The following STMN2 variants were observed in gnomAD, a reference collection of about 807,000 sequenced individuals.
STMN2 encodes the protein stathmin-2.
Under a neutral mutation model 24.1 loss-of-function variants are expected in STMN2, and 2 were observed. That is an observed-to-expected ratio of 0.08 (90% CI 0.03 to 0.26). The LOEUF is 0.26. Ranked by LOEUF, STMN2 falls within the 10% of genes least tolerant of loss-of-function variation. The pLI is 1.00. For synonymous variants in STMN2, 83 were observed against 77.5 expected (o/e 1.07, Z -0.37); for missense variants, 114 against 213.6 (o/e 0.53, Z 2.91).
At chr8:79,664,741 A>G in intron 4 of STMN2, 74 bp from the exon 5 acceptor site, 6 of 1,463,586 alleles carry the variant, frequency 4.1e-6, no homozygotes, top group Non-Finnish European at 4.7e-6. Flanking sequence ...GGTTACTTCT[A>G]GTCAAGCGCA....
chr8:79,617,367 A>C (rs1192059139), intron 1 of STMN2, among the ~76,000 whole-genome samples: 3 of 152,216 alleles, frequency 2.0e-5, no homozygotes, highest in African/African-American at 7.2e-5. Context: ...CAATACACGA[A>C]ATATCTCAAA....
chr8:79,621,503 T>C (rs1809514640), intron 1 of STMN2, among the ~76,000 whole-genome samples: 1 of 152,188 alleles, frequency 6.6e-6, no homozygotes, highest in Non-Finnish European at 1.5e-5. Context: ...CGTTTTGCAG[T>C]TCTTGTGATT....
chr8:79,642,462 AT>A (rs1235479149), intron 3 of STMN2, among the ~76,000 whole-genome samples: 1 of 152,184 alleles, frequency 6.6e-6, no homozygotes. Context: ...ATTTCCCAAT[AT>A]TTTTTATGAT....
chr8:79,643,070 T>C (rs1365451436), intron 3 of STMN2, among the ~76,000 whole-genome samples: 1 of 147,852 alleles, frequency 6.8e-6, no homozygotes, highest in Non-Finnish European at 1.5e-5. Flanking sequence ...TAATATTGTA[T>C]ATATGCCATA....
At chr8:79,613,574 T>G in intron 1 of STMN2, 1 of 985,514 alleles carries the variant, frequency 1.0e-6, no homozygotes, top group African/African-American at 1.7e-5. Context: ...GGCTAGTGGC[T>G]GCAAACTCAT....
chr8:79,637,464 GCAA>G (rs1478591814), intron 2 of STMN2, among the ~76,000 whole-genome samples: 1 of 152,166 alleles, frequency 6.6e-6, no homozygotes, highest in Non-Finnish European at 1.5e-5. Flanking sequence ...TGATTGAGGT[GCAA>G]CTCTTTAGGT....
intron 1 of STMN2, among the ~76,000 whole-genome samples, chr8:79,621,838 G>T (rs1809522629): frequency 6.6e-6 from 1 of 152,154 alleles, no homozygotes; most frequent in African/African-American, 2.4e-5. Context: ...GCACCACCTT[G>T]ACACTACCCT....
intron 1 of STMN2, among the ~76,000 whole-genome samples, chr8:79,628,051 T>C (rs1418994818): frequency 6.6e-6 from 1 of 152,258 alleles, no homozygotes; most frequent in Non-Finnish European, 1.5e-5. Flanking sequence ...TGAATAATGA[T>C]GCAGTGAACA....
chr8:79,637,870 C>T (rs577102924), intron 2 of STMN2, among the ~76,000 whole-genome samples: 1 of 152,168 alleles, frequency 6.6e-6, no homozygotes, highest in African/African-American at 2.4e-5. Context: ...ACCCCTTCTG[C>T]ACCTTTAAAG....
intron 1 of STMN2, among the ~76,000 whole-genome samples, chr8:79,621,921 C>T (rs13282406): frequency 0.12 from 17,684 of 152,228 alleles, 1,239 homozygotes; most frequent in Middle Eastern, 0.17. Flanking sequence ...TGTTAGGGCT[C>T]AGTTTAAAGC....
At chr8:79,654,825 GTT>G in intron 3 of STMN2, 44 bp from the exon 4 acceptor site, 2 of 1,588,036 alleles carry the variant, frequency 1.3e-6, no homozygotes, top group Non-Finnish European at 1.7e-6. Context: ...ATTCTGCTAG[GTT>G]TGTGTTTGGA....
At chr8:79,641,067 A>G (rs944432039) in intron 2 of STMN2, among the ~76,000 whole-genome samples, 1 of 152,200 alleles carries the variant, frequency 6.6e-6, no homozygotes, top group Non-Finnish European at 1.5e-5. Flanking sequence ...CAAAAGGAAA[A>G]TAAAGCTTAA....
At chr8:79,616,899 G>C (rs781392795) in intron 1 of STMN2, among the ~76,000 whole-genome samples, 1 of 151,900 alleles carries the variant, frequency 6.6e-6, no homozygotes, top group Non-Finnish European at 1.5e-5. Context: ...GCGTGTGTGC[G>C]AGAGAGAGAG....
chr8:79,665,143 A>G lies in STMN2; in HGVS notation c.*269A>G. 1 of 249,538 alleles carries G rather than the reference A, an allele frequency of 4.0e-6. No homozygotes were observed. Among genetic ancestry groups the G allele is most frequent in the Non-Finnish European group, 7.7e-6 (1 of 129,630 alleles). The allele number at this position is 249,538 out of a possible 1,614,324, so 15.5% of individuals were successfully genotyped here. ...ATACAAGTATTGCATTATGCAAGTT[A>G]TTTCATAATCTTACATGTCCTGTAA... On this transcript the variant is annotated 3_prime_UTR_variant, in exon 5 of 5. Transcript: ENST00000220876.
intron 1 of STMN2, among the ~76,000 whole-genome samples, chr8:79,624,714 A>G (rs1209282264): frequency 6.6e-6 from 1 of 152,198 alleles, no homozygotes; most frequent in African/African-American, 2.4e-5. Context: ...TAGCCAGCTA[A>G]GAAGTCAAGA....
Position 79,665,903 on chromosome 8 carries a change from C to A in STMN2, c.*1029C>A, listed in dbSNP as rs1269938714. 6.6e-6 allele frequency: 1 copy of A among 152,196 alleles called. No homozygotes were observed. Among genetic ancestry groups the A allele is most frequent in the Non-Finnish European group, 1.5e-5 (1 of 68,058 alleles). The allele number at this position is 152,196 out of a possible 1,614,324, so 9.4% of individuals were successfully genotyped here. A position where few individuals can be genotyped will look rare whatever the true frequency, so the allele number is the denominator to read the frequency against. On this transcript the variant is annotated 3_prime_UTR_variant, in exon 5 of 5. Transcript: ENST00000220876. ...TCTTCCCCAGTGTAAGGCAATCCTG[C>A]CTACTAACAACACCAACAACAAAAC...
chr8:79,656,025 A>T (rs1393961528), intron 4 of STMN2, among the ~76,000 whole-genome samples: 2 of 152,146 alleles, frequency 1.3e-5, no homozygotes, highest in Non-Finnish European at 2.9e-5. Context: ...TCAGAGTTTC[A>T]TGTCTTCTGT....
At chr8:79,663,692 T>C (rs969841261) in intron 4 of STMN2, 1 of 1,440,220 alleles carries the variant, frequency 6.9e-7, no homozygotes, top group Non-Finnish European at 9.3e-7. Flanking sequence ...ATATAAATAA[T>C]ACTACTAATA....
At chr8:79,654,449 T>C (rs1810402155) in intron 3 of STMN2, among the ~76,000 whole-genome samples, 1 of 152,046 alleles carries the variant, frequency 6.6e-6, no homozygotes, top group Non-Finnish European at 1.5e-5. Context: ...TAGCCTACAG[T>C]TGATGAAAAA....
Sources: allele counts gnomAD v4.1 joint callset (sites outside exome capture counted in the v4.1 genomes callset), GRCh38; gene constraint gnomAD v4.1.1; transcripts MANE v1.5; gene names NCBI Gene and HGNC (gene_info 2026-07-23, HGNC 2026-07-21).